Variants in RXRA observed in about 807,000 individuals in gnomAD.
The protein encoded by RXRA is retinoic acid receptor RXR-alpha.
RXRA carries 5 observed loss-of-function variants against 44.5 expected under a neutral mutation model. The ratio of observed to expected loss-of-function variants is 0.11; its 90% confidence interval spans 0.06 to 0.24. The LOEUF is 0.24. Ranked by LOEUF, RXRA falls within the 10% of genes least tolerant of loss-of-function variation. RXRA has a pLI of 1.00. For missense variants in RXRA, 412 were observed against 646.5 expected (o/e 0.64, Z 3.93); for synonymous variants, 291 against 271.4 (o/e 1.07, Z -0.71).
intron 1 of RXRA, among the ~76,000 whole-genome samples, chr9:134,391,307 A>G (rs1472706153): frequency 6.6e-6 from 1 of 152,204 alleles, no homozygotes; most frequent in African/African-American, 2.4e-5. Context: ...GTGGCCGTGC[A>G]CATGAAGGTG....
chr9:134,423,772 C>T, intron 6 of RXRA: 4 of 985,458 alleles, frequency 4.1e-6, no homozygotes, highest in Non-Finnish European at 4.8e-6. Flanking sequence ...TCCCCCAGAA[C>T]CCTCGGTTCA....
At chr9:134,429,601 G>C (rs1170164275) in intron 7 of RXRA, among the ~76,000 whole-genome samples, 1 of 152,210 alleles carries the variant, frequency 6.6e-6, no homozygotes, top group Admixed American at 6.5e-5. Flanking sequence ...GGCTGCTTGA[G>C]GCTGGCACGG....
intron 1 of RXRA, among the ~76,000 whole-genome samples, chr9:134,351,728 G>A (rs782550000): frequency 6.6e-6 from 1 of 152,230 alleles, no homozygotes; most frequent in Non-Finnish European, 1.5e-5. Context: ...AATTAAGGCC[G>A]AGATGTAATA....
intron 6 of RXRA, chr9:134,427,105 A>AG (rs1485630224): frequency 3.1e-6 from 3 of 983,422 alleles, no homozygotes; most frequent in Non-Finnish European, 2.4e-6. Flanking sequence ...TGTCAGATTG[A>AG]GGGGGCCTCT....
intron 1 of RXRA, among the ~76,000 whole-genome samples, chr9:134,364,907 C>T (rs541167363): frequency 7.9e-5 from 12 of 152,304 alleles, no homozygotes; most frequent in South Asian, 2.1e-4. Context: ...GCCCCTAGCT[C>T]GTGGCCCTGG....
At chr9:134,338,354 G>C (rs2119021468) in intron 1 of RXRA, among the ~76,000 whole-genome samples, 1 of 152,360 alleles carries the variant, frequency 6.6e-6, no homozygotes, top group East Asian at 1.9e-4. Context: ...CGCTGAAAGG[G>C]CCTCCTCATG....
chr9:134,423,049 G>A lies in RXRA; in HGVS notation c.910+1244G>A, dbSNP rs34918820. 4.3e-4 allele frequency: 419 copies of A among 985,502 alleles called. 1 individual carries two copies. The African/African-American group carries it at 6.5e-3, about 15-fold the overall frequency. The allele number at this position is 985,502 out of a possible 1,614,324, so 61.0% of individuals were successfully genotyped here. ...ACGGTGGCTGGGAGCTCAGCTTTGG[G>A]GTTTTGGGGTCAGGTTGGCAGTGGA... On this transcript the variant is annotated intron_variant, in intron 6 of 9. Coordinates refer to ENST00000481739, the MANE Select transcript of RXRA (RefSeq NM_002957.6).
chr9:134,374,997 C>T (rs1830538760), intron 1 of RXRA, among the ~76,000 whole-genome samples: 1 of 152,196 alleles, frequency 6.6e-6, no homozygotes, highest in Non-Finnish European at 1.5e-5. Flanking sequence ...AGCCCTCAGC[C>T]TTGGCACCCA....
Position 134,411,171 on chromosome 9 carries a change from G to A in RXRA, c.610+2052G>A, listed in dbSNP as rs143510047. Among the ~76,000 whole-genome samples the A allele has an allele frequency of 5.3e-5, 8 of 152,272 alleles. No homozygotes were observed. In the East Asian group the frequency reaches 1.4e-3, roughly 26 times the overall value. On this transcript the variant is annotated intron_variant, in intron 4 of 9. Transcript: ENST00000481739. ...GTCGGTGATGGCCTTTCTGAGCCCC[G>A]TCCCGGACCCTCCAGGCTGCACTGA...
At position 134,336,008 on chromosome 9, in the gene RXRA, G is replaced by C. The variant is rs543289141; in HGVS notation, c.28+9349G>C. The stretch of plus-strand genomic sequence containing the variant: ...CGGAGGGAGGAAAACAGCTCTGACC[G>C]TGAGCAGAGTCCACGGGAGGCGGTG... On this transcript the variant is annotated intron_variant, in intron 1 of 9. Coordinates refer to ENST00000481739, the MANE Select transcript of RXRA (RefSeq NM_002957.6). Among the ~76,000 whole-genome samples the C allele has an allele frequency of 2.0e-5, 3 of 152,334 alleles. No homozygotes were observed. In the East Asian group the frequency reaches 5.8e-4, roughly 29 times the overall value.
intron 7 of RXRA, among the ~76,000 whole-genome samples, chr9:134,431,329 C>T (rs906860356): frequency 6.6e-6 from 1 of 152,228 alleles, no homozygotes; most frequent in African/African-American, 2.4e-5. Context: ...AGGGAGCTGG[C>T]GGGCTTTCCC....
chr9:134,339,734 T>C (rs1830061879), intron 1 of RXRA, among the ~76,000 whole-genome samples: 1 of 149,270 alleles, frequency 6.7e-6, no homozygotes, highest in Admixed American at 6.6e-5. Context: ...TGTGTGTGTG[T>C]CTATGTGTGA....
chr9:134,413,313 A>G (rs909704815), intron 4 of RXRA, among the ~76,000 whole-genome samples: 27 of 147,504 alleles, frequency 1.8e-4, no homozygotes, highest in African/African-American at 6.3e-4. Flanking sequence ...TGTGTGTGTG[A>G]TATGTCTGTG....
chr9:134,343,744 C>T lies in RXRA; in HGVS notation c.28+17085C>T, dbSNP rs549348100. On this transcript the variant is annotated intron_variant, in intron 1 of 9. Coordinates refer to ENST00000481739, the MANE Select transcript of RXRA (RefSeq NM_002957.6). This position sits in a 1 kb window ranked among gnomAD's most constrained non-coding sequence, Gnocchi z 4.1. ...CGGGACCAACCCTCCATCCGCCCGT[C>T]CCCAGCCGGGCGCGGCACTGAGCTG... is the stretch of plus-strand genomic sequence containing the variant. 1.4e-3 allele frequency among the ~76,000 whole-genome samples: 213 copies of T among 152,264 alleles called. 1 individual carries two copies. Among genetic ancestry groups the T allele is most frequent in the African/African-American group, 5.0e-3 (206 of 41,562 alleles).
At chr9:134,430,267 C>G (rs1443831779) in intron 7 of RXRA, among the ~76,000 whole-genome samples, 3 of 152,200 alleles carry the variant, frequency 2.0e-5, no homozygotes. Flanking sequence ...TCAGCTTCAG[C>G]TGGAGCGGGA....
At chr9:134,340,512 G>T (rs62576310) in intron 1 of RXRA, among the ~76,000 whole-genome samples, 1 of 152,186 alleles carries the variant, frequency 6.6e-6, no homozygotes, top group Admixed American at 6.5e-5. Context: ...GTCTAAGTGG[G>T]GCTCACGTGG....
intron 1 of RXRA, among the ~76,000 whole-genome samples, chr9:134,373,583 G>T (rs1318517211): frequency 6.6e-6 from 1 of 152,204 alleles, no homozygotes; most frequent in African/African-American, 2.4e-5. Context: ...CCTTCCTTAT[G>T]GTAGACACAT....
Position 134,365,426 on chromosome 9 carries a change from T to C in RXRA, c.29-36206T>C, listed in dbSNP as rs1588266516. The stretch of plus-strand genomic sequence containing the variant: ...GATTTGGCGGGTAACGCTCGTGGTG[T>C]GTCCTGGTGTGAGACCCGGTGTTCT... On this transcript the variant is annotated intron_variant, in intron 1 of 9. Transcript: ENST00000481739. The surrounding 1 kb of genome is among the most constrained non-coding windows in gnomAD (Gnocchi z 4.0). 6.6e-6 allele frequency among the ~76,000 whole-genome samples: 1 copy of C among 152,164 alleles called. No homozygotes were observed. The highest frequency in any genetic ancestry group is 2.1e-4 in the South Asian group (1 of 4,836).
At chr9:134,371,785 G>A (rs1588270294) in intron 1 of RXRA, among the ~76,000 whole-genome samples, 1 of 152,210 alleles carries the variant, frequency 6.6e-6, no homozygotes, top group Admixed American at 6.5e-5. Context: ...GGGCCACAGG[G>A]CAGCCATGGG....
Sources: gnomAD v4.1 joint callset for allele counts (sites outside exome capture counted in the v4.1 genomes callset) on GRCh38, gnomAD v4.1.1 for gene constraint, Gnocchi (gnomAD v3.1) non-coding constraint, MANE v1.5 for transcripts, NCBI Gene and HGNC (gene_info 2026-07-23, HGNC 2026-07-21) for gene names.